Variants in ZMIZ1 observed in about 807,000 individuals in gnomAD.
ZMIZ1 encodes zinc finger MIZ-type containing 1.
In ZMIZ1, 17 loss-of-function variants were observed where a neutral mutation model predicts 113.9. That is an observed-to-expected ratio of 0.15 (90% CI 0.10 to 0.22). ZMIZ1 has a LOEUF of 0.22. Among genes scored for constraint, ZMIZ1 ranks in the 10% least tolerant of loss-of-function variants. ZMIZ1 has a pLI of 1.00. For missense variants in ZMIZ1, 1,059 were observed against 1,477.8 expected (o/e 0.72, Z 4.65); for synonymous variants, 607 against 603.1 (o/e 1.01, Z -0.09).
intron 7 of ZMIZ1, among the ~76,000 whole-genome samples, chr10:79,269,188 C>A (rs1242724471): frequency 1.3e-5 from 2 of 152,172 alleles, no homozygotes; most frequent in East Asian, 3.9e-4. Flanking sequence ...AGTGGCGCCA[C>A]TCTCACTGCT....
chr10:79,237,868 G>C (rs1356780647), intron 7 of ZMIZ1, among the ~76,000 whole-genome samples: 1 of 152,202 alleles, frequency 6.6e-6, no homozygotes, highest in Non-Finnish European at 1.5e-5. Context: ...CAAAGGAGGA[G>C]GTCGAGGCTC....
chr10:79,142,076 C>T (rs1316823788), intron 3 of ZMIZ1, among the ~76,000 whole-genome samples: 5 of 152,102 alleles, frequency 3.3e-5, no homozygotes, highest in African/African-American at 9.7e-5. Context: ...TCAGGGAAGG[C>T]CCTTGGGTTT....
At chr10:79,075,583 ACATGCACACCTGCACACATGCAAACG>A (rs1301747259) in intron 1 of ZMIZ1, among the ~76,000 whole-genome samples, 26 of 151,886 alleles carry the variant, frequency 1.7e-4, no homozygotes, top group African/African-American at 6.3e-4. Context: ...ACACATGCAC[ACATGCACACCTGCACACATGCAAACG>A]CATGCACACC....
chr10:79,286,750 C>T (rs1853113576), intron 8 of ZMIZ1, among the ~76,000 whole-genome samples: 4 of 152,366 alleles, frequency 2.6e-5, no homozygotes, highest in Middle Eastern at 3.4e-3. Flanking sequence ...GGCTCACCCA[C>T]GGAGCTGCAG....
At chr10:79,244,506 G>A (rs1850074853) in intron 7 of ZMIZ1, among the ~76,000 whole-genome samples, 1 of 152,188 alleles carries the variant, frequency 6.6e-6, no homozygotes, top group South Asian at 2.1e-4. Flanking sequence ...GAAGCCCTCT[G>A]GGGGGAAACT....
intron 4 of ZMIZ1, among the ~76,000 whole-genome samples, chr10:79,166,309 G>A (rs936436752): frequency 2.0e-5 from 3 of 152,214 alleles, no homozygotes; most frequent in Non-Finnish European, 4.4e-5. Context: ...CACAACAGAG[G>A]CCTCCCTACC....
intron 4 of ZMIZ1, among the ~76,000 whole-genome samples, chr10:79,178,270 C>T (rs1004483762): frequency 2.0e-5 from 3 of 152,220 alleles, no homozygotes; most frequent in Non-Finnish European, 4.4e-5. Flanking sequence ...TGCTCATGGC[C>T]GCCCTTCAGC....
rs1295367657 is a variant in ZMIZ1, at chr10:79,296,198, C to G, written c.1231-273C>G. On this transcript the variant is annotated intron_variant, in intron 12 of 24. Coordinates refer to ENST00000334512, the MANE Select transcript of ZMIZ1 (RefSeq NM_020338.4). The surrounding 1 kb of genome is among the most constrained non-coding windows in gnomAD (Gnocchi z 4.1). ...ATCAGGCCCCTCATAATGGTGTGAG[C>G]AAGAGGCTCTGAAAGTGTCCCTGGA... is the stretch of plus-strand genomic sequence containing the variant. 3 of 524,572 alleles carry G rather than the reference C, an allele frequency of 5.7e-6. No homozygotes were observed. Among genetic ancestry groups the G allele is most frequent in the Admixed American group, 3.4e-5 (1 of 29,232 alleles). The allele number at this position is 524,572 out of a possible 1,614,324, so 32.5% of individuals were successfully genotyped here.
chr10:79,187,634 T>G (rs1452764081), intron 4 of ZMIZ1, among the ~76,000 whole-genome samples: 1 of 152,224 alleles, frequency 6.6e-6, no homozygotes, highest in Non-Finnish European at 1.5e-5. Context: ...CTTCTGGGGC[T>G]GAGGAAATGG....
chr10:79,161,214 G>A (rs1846104692), intron 3 of ZMIZ1, among the ~76,000 whole-genome samples: 1 of 152,188 alleles, frequency 6.6e-6, no homozygotes, highest in South Asian at 2.1e-4. Flanking sequence ...TCTGGACCCT[G>A]GAGCAGCGTC....
chr10:79,268,593 G>A (rs201060884), intron 7 of ZMIZ1, among the ~76,000 whole-genome samples: 3 of 152,352 alleles, frequency 2.0e-5, no homozygotes, highest in East Asian at 3.9e-4. Context: ...ACGCCGTGCT[G>A]GGTGCCAGGG....
In ZMIZ1 at chr10:79,316,391, C is replaced by T. The variant is rs1327873413; in HGVS notation, c.*3642C>T. 6.5e-6 allele frequency: 1 copy of T among 152,722 alleles called. No homozygotes were observed. The highest frequency in any genetic ancestry group is 2.4e-5 in the African/African-American group (1 of 41,424). 9.5% of individuals were successfully genotyped at this position (152,722 alleles called of 1,614,324 possible). A position where few individuals can be genotyped will look rare whatever the true frequency, so the allele number is the denominator to read the frequency against. On this transcript the variant is annotated 3_prime_UTR_variant, in exon 25 of 25. Transcript: ENST00000334512. ...AGATGAAACCTGTATATTAGGTGTTCATGTGGTTATTTTGTATTTAAAGAT... is the reference window on the plus strand; with the variant it reads ...AGATGAAACCTGTATATTAGGTGTTTATGTGGTTATTTTGTATTTAAAGAT...
At chr10:79,276,301 G>T (rs1320355521) in intron 7 of ZMIZ1, among the ~76,000 whole-genome samples, 1 of 152,220 alleles carries the variant, frequency 6.6e-6, no homozygotes, top group Non-Finnish European at 1.5e-5. Context: ...GGACAGGCCA[G>T]CTGAGACACG....
At position 79,105,140 on chromosome 10, in the gene ZMIZ1, C is replaced by G; in HGVS notation, c.-336-13775C>G. Among the ~76,000 whole-genome samples the G allele has an allele frequency of 1.3e-5, 2 of 152,200 alleles. 1 individual carries two copies. Among genetic ancestry groups the G allele is most frequent in the Non-Finnish European group, 2.9e-5 (2 of 68,046 alleles). ...GAGCCCAATGTGTTAGTTGTCTCCT[C>G]CCTGAGAAACTGATTCCCGAAAATT... On this transcript the variant is annotated intron_variant, in intron 1 of 24. Coordinates refer to ENST00000334512, the MANE Select transcript of ZMIZ1 (RefSeq NM_020338.4).
At chr10:79,291,254 A>G in intron 10 of ZMIZ1, 78 bp downstream of exon 10, 1 of 1,436,744 alleles carries the variant, frequency 7.0e-7, no homozygotes, top group Non-Finnish European at 9.3e-7. Flanking sequence ...ACCCACTTAA[A>G]TCCCAGCTCC....
chr10:79,099,371 C>T (rs895946955), intron 1 of ZMIZ1, among the ~76,000 whole-genome samples: 2 of 152,172 alleles, frequency 1.3e-5, no homozygotes, highest in African/African-American at 4.8e-5. Flanking sequence ...TGAAAAGGTC[C>T]TTCCCCCTCC....
chr10:79,307,460 G>A lies in ZMIZ1; in HGVS notation c.2724G>A (p.Gly908=), dbSNP rs1204223303. The change falls in exon 23 of 25, where the codon GGG becomes GGA. Residue 908 remains glycine, a synonymous_variant. Coordinates refer to ENST00000334512, the MANE Select transcript of ZMIZ1 (RefSeq NM_020338.4). ...NFDFPHGNPG[G]TSMNDFMHGP... The stretch of plus-strand genomic sequence containing the variant: ...ACTTCCCCCACGGGAACCCTGGAGG[G>A]ACATCCATGAATGACTTCATGCACG... 1.9e-6 allele frequency: 3 copies of A among 1,612,892 alleles called. No homozygotes were observed. Among genetic ancestry groups the A allele is most frequent in the East Asian group, 2.2e-5 (1 of 44,762 alleles).
At chr10:79,175,596 G>C (rs1846804715) in intron 4 of ZMIZ1, among the ~76,000 whole-genome samples, 1 of 109,998 alleles carries the variant, frequency 9.1e-6, no homozygotes, top group Non-Finnish European at 1.7e-5. Context: ...GTGTGTGTGT[G>C]TGTGTGTGTG....
intron 3 of ZMIZ1, among the ~76,000 whole-genome samples, chr10:79,141,619 G>C (rs958245829): frequency 6.6e-6 from 1 of 152,122 alleles, no homozygotes; most frequent in Non-Finnish European, 1.5e-5. Flanking sequence ...TGTTGCCCAG[G>C]CTGGTCTCGA....
Sources: gnomAD v4.1 joint callset for allele counts (sites outside exome capture counted in the v4.1 genomes callset) on GRCh38, gnomAD v4.1.1 for gene constraint, Gnocchi (gnomAD v3.1) non-coding constraint, MANE v1.5 for transcripts, NCBI Gene and HGNC (gene_info 2026-07-23, HGNC 2026-07-21) for gene names.